Variants in MYO5B observed in about 807,000 individuals in gnomAD.
MYO5B encodes the protein myosin VB.
Under a neutral mutation model 229.3 loss-of-function variants are expected in MYO5B, and 143 were observed. The ratio of observed to expected loss-of-function variants is 0.62; its 90% CI spans 0.54 to 0.72. The LOEUF (loss-of-function observed/expected upper bound fraction) is 0.72. MYO5B is among the 30% of genes least tolerant of loss of function. The probability of loss-of-function intolerance (pLI) is 0.00; values close to 1 mark genes in which losing one functional copy is unlikely to be tolerated. For synonymous variants in MYO5B, 918 were observed against 885.2 expected (o/e 1.04, Z -0.66); for missense variants, 2,321 against 2,331.0 (o/e 1.00, Z 0.09).
chr18:50,014,398 C>T (rs145512860), intron 4 of MYO5B, among the ~76,000 whole-genome samples: 1 of 152,182 alleles, frequency 6.6e-6, no homozygotes, highest in Non-Finnish European at 1.5e-5. Flanking sequence ...ATTTCCACCT[C>T]AGGCAAGTTA....
chr18:49,941,583 A>G (rs1179880956), intron 14 of MYO5B, among the ~76,000 whole-genome samples: 1 of 152,180 alleles, frequency 6.6e-6, no homozygotes, highest in Non-Finnish European at 1.5e-5. Context: ...CAGTGAGATC[A>G]CTAAGGATGC....
chr18:49,844,986 T>C (rs902785557), intron 33 of MYO5B, among the ~76,000 whole-genome samples: 1 of 152,094 alleles, frequency 6.6e-6, no homozygotes, highest in African/African-American at 2.4e-5. Flanking sequence ...ATGGGGTCTT[T>C]TGGAGGGAAG....
rs778932334 is a variant in MYO5B at position 49,937,411 on chromosome 18, C to T, written c.1753-14G>A. 6.2e-7 allele frequency: 1 copy of T among 1,613,556 alleles called. No individual in the cohort carries two copies. Among genetic ancestry groups the T allele is most frequent in the Non-Finnish European group, 8.5e-7 (1 of 1,179,498 alleles). On this transcript the variant is annotated splice_polypyrimidine_tract_variant and intron_variant, in intron 14 of 39. Coordinates refer to ENST00000285039, the MANE Select transcript of MYO5B (RefSeq NM_001080467.3). ...CACTAGTGGGAACTAGAAACAATCA[C>T]AGGAAGAATGATGAAAGTGACATCT...
At position 49,993,157 on chromosome 18, in the gene MYO5B, G is replaced by A. The variant is rs114896422; in HGVS notation, c.613-726C>T. Among the ~76,000 whole-genome samples, 426 of 152,154 alleles carry A rather than the reference G, an allele frequency of 2.8e-3. 2 individuals are homozygous for A. Among genetic ancestry groups the A allele is most frequent in the Middle Eastern group, 0.01 (3 of 294 alleles). ...TCCTATAAAACACCATGTTGCCAAT[G>A]CATTGGTAAAGAATACATTAATATT... On this transcript the variant is annotated intron_variant, in intron 5 of 39. Coordinates refer to ENST00000285039, the MANE Select transcript of MYO5B (RefSeq NM_001080467.3).
chr18:49,959,098 A>T (rs1404416656), intron 12 of MYO5B, among the ~76,000 whole-genome samples: 1 of 151,896 alleles, frequency 6.6e-6, no homozygotes, highest in Non-Finnish European at 1.5e-5. Flanking sequence ...GATCACTTCA[A>T]ATTCTCCAAG....
At chr18:49,906,359 G>C in intron 19 of MYO5B, 60 bp downstream of exon 19, 2 of 1,530,626 alleles carry the variant, frequency 1.3e-6, no homozygotes, top group East Asian at 2.3e-5. Context: ...AGCTGAGAAA[G>C]GCAGACCCCC....
chr18:49,825,793 A>G lies in MYO5B; in HGVS notation c.*678T>C, dbSNP rs1278943035. On this transcript the variant is annotated 3_prime_UTR_variant, in exon 40 of 40. Transcript: ENST00000285039. ...TAATAATCTCTTCCATTAAATCAAG[A>G]TAACACAAAAGCGTTTGAGCACACT... is the stretch of plus-strand genomic sequence containing the variant. The G allele has an allele frequency of 1.3e-5, 2 of 152,958 alleles. No homozygotes were observed. Among genetic ancestry groups the G allele is most frequent in the African/African-American group, 4.8e-5 (2 of 41,462 alleles). The allele number at this position is 152,958 out of a possible 1,614,324, so 9.5% of individuals were successfully genotyped here. A position where few individuals can be genotyped will look rare whatever the true frequency, so the allele number is the denominator to read the frequency against.
intron 8 of MYO5B, 84 bp downstream of exon 8, chr18:49,984,634 A>C (rs917777757): frequency 9.1e-7 from 1 of 1,093,948 alleles, no homozygotes; most frequent in African/African-American, 1.5e-5. Context: ...GGTTGCTGGC[A>C]AGCACAGTGG....
At chr18:49,895,683 G>C (rs2024770947) in intron 21 of MYO5B, among the ~76,000 whole-genome samples, 1 of 152,130 alleles carries the variant, frequency 6.6e-6, no homozygotes, top group African/African-American at 2.4e-5. Flanking sequence ...ATGGGGTCTT[G>C]GAATCTCTCT....
intron 5 of MYO5B, among the ~76,000 whole-genome samples, chr18:49,999,585 A>T (rs1333587667): frequency 6.6e-6 from 1 of 152,282 alleles, no homozygotes; most frequent in Admixed American, 6.5e-5. Flanking sequence ...TTAGTAAAAA[A>T]GCTGGAAGAA....
intron 1 of MYO5B, among the ~76,000 whole-genome samples, chr18:50,178,460 T>C (rs1019021426): frequency 3.9e-5 from 6 of 152,208 alleles, no homozygotes; most frequent in African/African-American, 1.4e-4. Flanking sequence ...CAGAAAACAC[T>C]TGAGATGCAT....
intron 1 of MYO5B, among the ~76,000 whole-genome samples, chr18:50,090,741 G>A (rs866287133): frequency 8.5e-5 from 13 of 152,174 alleles, no homozygotes; most frequent in Admixed American, 2.0e-4. Context: ...CCTGCTCTGC[G>A]TTATAATGCA....
chr18:50,180,603 A>G (rs1462491762), intron 1 of MYO5B, among the ~76,000 whole-genome samples: 1 of 152,220 alleles, frequency 6.6e-6, no homozygotes, highest in Non-Finnish European at 1.5e-5. Context: ...AGTGGCATCA[A>G]GTACATTCAC....
intron 2 of MYO5B, among the ~76,000 whole-genome samples, chr18:50,047,177 T>G (rs546903402): frequency 2.2e-3 from 336 of 152,284 alleles, no homozygotes; most frequent in Non-Finnish European, 3.7e-3. Context: ...AGAAAATTTT[T>G]GCAACCTACT....
intron 1 of MYO5B, among the ~76,000 whole-genome samples, chr18:50,121,938 G>T (rs1265874124): frequency 6.6e-6 from 1 of 152,186 alleles, no homozygotes; most frequent in African/African-American, 2.4e-5. Flanking sequence ...ATTTGAAGTG[G>T]ACATCACCCT....
intron 2 of MYO5B, among the ~76,000 whole-genome samples, chr18:50,049,221 G>A (rs1170314946): frequency 6.6e-6 from 1 of 152,050 alleles, no homozygotes; most frequent in Non-Finnish European, 1.5e-5. Flanking sequence ...ACTTCACAAA[G>A]GTACAGATAT....
chr18:50,099,367 C>G (rs1427648470), intron 1 of MYO5B, among the ~76,000 whole-genome samples: 2 of 152,162 alleles, frequency 1.3e-5, no homozygotes. Context: ...TTTGATGTTC[C>G]AGAGTGGATA....
chr18:49,826,013 T>TTGGGAAA lies in MYO5B; in HGVS notation c.*451_*457dup, dbSNP rs1209313527. The stretch of plus-strand genomic sequence containing the variant: ...CAACCACACCTATGGTTTGCAAACT[T>TTGGGAAA]TGGGAAATGTCAGTATATGCCATTA... On this transcript the variant is annotated 3_prime_UTR_variant, in exon 40 of 40. Transcript: ENST00000285039. The TTGGGAAA allele has an allele frequency of 5.5e-6, 1 of 182,130 alleles. No homozygotes were observed. Among genetic ancestry groups the TTGGGAAA allele is most frequent in the Non-Finnish European group, 1.2e-5 (1 of 84,916 alleles). 11.3% of individuals were successfully genotyped at this position (182,130 alleles called of 1,614,324 possible). A position where few individuals can be genotyped will look rare whatever the true frequency, so the allele number is the denominator to read the frequency against.
At chr18:50,043,486 T>G (rs181910784) in intron 2 of MYO5B, among the ~76,000 whole-genome samples, 1,441 of 88,360 alleles carry the variant, frequency 0.016, 39 homozygotes, top group African/African-American at 0.058. Flanking sequence ...TATATAAATA[T>G]ATTTTTATAT....
Sources: gnomAD v4.1 joint callset for allele counts (sites outside exome capture counted in the v4.1 genomes callset) on GRCh38, gnomAD v4.1.1 for gene constraint, MANE v1.5 for transcripts, NCBI Gene and HGNC (gene_info 2026-07-23, HGNC 2026-07-21) for gene names.